Variants in SBF1 observed in about 807,000 individuals in gnomAD.
The protein encoded by SBF1 is SET binding factor 1, also known as myotubularin-related protein 5.
In SBF1, 65 loss-of-function variants were observed where a neutral mutation model predicts 215.8. The ratio of observed to expected loss-of-function variants is 0.30; its 90% confidence interval spans 0.25 to 0.37. The LOEUF is 0.37. SBF1 is among the 10% of genes least tolerant of loss of function. The pLI, the probability that SBF1 is intolerant of heterozygous loss-of-function variation, is 1.00. For synonymous variants in SBF1, 1,410 were observed against 1,122.8 expected (o/e 1.26, Z -5.11); for missense variants, 2,634 against 2,667.8 (o/e 0.99, Z 0.28).
Position 50,445,067 on chromosome 22 carries a change from TAAA to T in SBF1, c.*2072_*2074del, listed in dbSNP as rs2066718276. 6.6e-6 allele frequency: 1 copy of T among 152,642 alleles called. No homozygotes were observed. Among genetic ancestry groups the T allele is most frequent in the Admixed American group, 6.6e-5 (1 of 15,264 alleles). The allele number at this position is 152,642 out of a possible 1,614,324, so 9.5% of individuals were successfully genotyped here. A position where few individuals can be genotyped will look rare whatever the true frequency, so the allele number is the denominator to read the frequency against. ...GGCACCCCAAACCCCCAACTCCCAATAAAAGCCGTGACGTTCGGACAAACCGCG... is the reference window on the plus strand; with the variant it reads ...GGCACCCCAAACCCCCAACTCCCAATAGCCGTGACGTTCGGACAAACCGCG... On this transcript the variant is annotated 3_prime_UTR_variant, in exon 41 of 41. Transcript: ENST00000380817.
At position 50,464,661 on chromosome 22, in the gene SBF1, T is replaced by A; in HGVS notation, c.1509A>T (p.Arg503=). 6.2e-7 allele frequency: 1 copy of A among 1,608,330 alleles called. No homozygotes were observed. The highest frequency in any genetic ancestry group is 1.1e-5 in the South Asian group (1 of 90,942). ...GESSHLRRVP[R]PFPRLDEGTV... Reference sequence around the variant, plus strand: ...TGCCCTCATCCAGCCGGGGGAAGGGTCGGGGCACCCGTCGCAGGTGGCTGC... The same window carrying A: ...TGCCCTCATCCAGCCGGGGGAAGGGACGGGGCACCCGTCGCAGGTGGCTGC... The change falls in exon 14 of 41, where the codon CGA becomes CGT. Residue 503 remains arginine (R), a synonymous_variant. Coordinates refer to ENST00000380817, the MANE Select transcript of SBF1 (RefSeq NM_002972.4).
chr22:50,452,384 T>C (rs2067080374), intron 36 of SBF1, among the ~76,000 whole-genome samples: 1 of 152,152 alleles, frequency 6.6e-6, no homozygotes, highest in Admixed American at 6.5e-5. Context: ...GAAGACTTTT[T>C]CCTTCTTTCT....
At position 50,462,721 on chromosome 22, in the gene SBF1, C is replaced by G. The variant is rs746853534; in HGVS notation, c.1969-4G>C. 6.2e-7 allele frequency: 1 copy of G among 1,610,876 alleles called. No homozygotes were observed. The highest frequency in any genetic ancestry group is 1.7e-5 in the Admixed American group (1 of 59,636). On this transcript the variant is annotated splice_polypyrimidine_tract_variant and splice_region_variant and intron_variant, in intron 17 of 40. Transcript: ENST00000380817. Reference sequence around the variant, plus strand: ...GCGTCACCCCCGGGCTCAGCTTCTGCAGGAGCCAGGGGAGAAGGTCAGCTG... The same window carrying G: ...GCGTCACCCCCGGGCTCAGCTTCTGGAGGAGCCAGGGGAGAAGGTCAGCTG...
At chr22:50,467,192 G>A (rs2067803734) in intron 5 of SBF1, 146 bp downstream of exon 5, 1 of 670,696 alleles carries the variant, frequency 1.5e-6, no homozygotes, top group Non-Finnish European at 2.6e-6. Flanking sequence ...GGCCAGGACT[G>A]TTGGGGGCAA....
rs910197605 is a variant in SBF1 at position 50,446,586 on chromosome 22, A to T, written c.*556T>A. On this transcript the variant is annotated 3_prime_UTR_variant, in exon 41 of 41. Coordinates refer to ENST00000380817, the MANE Select transcript of SBF1 (RefSeq NM_002972.4). ...TAGACCAGCCCTGAGGCGTGGAGGGAATCAAGCAAGTCCCCAGTGAAGCCT... is the reference window on the plus strand; with the variant it reads ...TAGACCAGCCCTGAGGCGTGGAGGGTATCAAGCAAGTCCCCAGTGAAGCCT... 1 of 336,026 alleles carries T rather than the reference A, an allele frequency of 3.0e-6. No homozygotes were observed. Among genetic ancestry groups the T allele is most frequent in the Non-Finnish European group, 5.9e-6 (1 of 169,328 alleles). The allele number at this position is 336,026 out of a possible 1,614,324, so 20.8% of individuals were successfully genotyped here. A position where few individuals can be genotyped will look rare whatever the true frequency, so the allele number is the denominator to read the frequency against.
rs374026247 is a variant in SBF1 at position 50,466,149 on chromosome 22, C to T, written c.897+1G>A. On this transcript the variant is annotated splice_donor_variant, in intron 8 of 40. Coordinates refer to ENST00000380817, the MANE Select transcript of SBF1 (RefSeq NM_002972.4). LOFTEE classifies it high-confidence loss of function. ...AGGTGGACACAAAGCACAGCCCTTA[C>T]CAGCTCCTGGGTCTCTGCCTGGAAG... 2 of 1,613,658 alleles carry T rather than the reference C, an allele frequency of 1.2e-6. No homozygotes were observed. Among genetic ancestry groups the T allele is most frequent in the Non-Finnish European group, 1.7e-6 (2 of 1,180,004 alleles).
Position 50,464,579 on chromosome 22 carries a change from C to G in SBF1, c.1591G>C (p.Val531Leu). 1 of 1,612,220 alleles carries G rather than the reference C, an allele frequency of 6.2e-7. No individual in the cohort carries two copies. The highest frequency in any genetic ancestry group is 1.1e-5 in the South Asian group (1 of 90,928). ...ACGGTGGTCCTCCTCTCGGCCTTCA[C>G]AGCTGGGGGTGCACCCTGCATCTTG... ...AAKMQGAPPA[V>L]KAERRTTVPS... The change falls in exon 14 of 41, where the codon GTG becomes CTG. Residue 531 changes from valine (V) to leucine (L), a missense_variant. Coordinates refer to ENST00000380817, the MANE Select transcript of SBF1 (RefSeq NM_002972.4).
rs200365973 is a variant in SBF1 at position 50,461,834 on chromosome 22, C to T, written c.2605G>A (p.Val869Met). Residue 869 changes from valine (V) to methionine (M), a missense_variant, in exon 21 of 41, where the codon GTG becomes ATG. Val to Met is a conservative substitution (Grantham distance 21). Transcript: ENST00000380817. ...GGCAGCCTCCGGCTCTCCCGCTGCA[C>T]GGCCTCCAGGGTCTCGATGTGCATC... ...VQMHIETLEA[V>M]QRESRRLPPI... 4.1e-4 allele frequency: 655 copies of T among 1,613,660 alleles called. No individual in the cohort carries two copies. Among genetic ancestry groups the T allele is most frequent in the Non-Finnish European group, 5.3e-4 (623 of 1,180,034 alleles).
chr22:50,470,944 G>A (rs944381699), intron 1 of SBF1, among the ~76,000 whole-genome samples: 3 of 152,138 alleles, frequency 2.0e-5, no homozygotes, highest in Admixed American at 6.5e-5. Flanking sequence ...TGTGCTGTCC[G>A]GGGCCAGGCC....
At position 50,466,594 on chromosome 22, in the gene SBF1, G is replaced by C. The variant is rs2067768874; in HGVS notation, c.655+11C>G. The C allele has an allele frequency of 6.5e-7, 1 of 1,545,862 alleles. No individual in the cohort carries two copies. Among genetic ancestry groups the C allele is most frequent in the Non-Finnish European group, 8.7e-7 (1 of 1,143,072 alleles). ...GGGGAAGCCATGCGGGGGTGGGACA[G>C]ACAGGCTCACCTAGCTGGCGGAAGA... On this transcript the variant is annotated intron_variant, in intron 6 of 40. Coordinates refer to ENST00000380817, the MANE Select transcript of SBF1 (RefSeq NM_002972.4).
intron 36 of SBF1, 36 bp downstream of exon 36, chr22:50,454,476 G>T: frequency 6.4e-7 from 1 of 1,556,346 alleles, no homozygotes; most frequent in Non-Finnish European, 8.8e-7. Flanking sequence ...GAGGAGGGGG[G>T]TGCCAGGCCA....
chr22:50,466,942 G>A (rs896238358), intron 5 of SBF1: 22 of 560,074 alleles, frequency 3.9e-5, no homozygotes, highest in African/African-American at 3.8e-4. Context: ...GGTAGGGATG[G>A]GGCCTAGGTG....
rs372613363 is a variant in SBF1 at position 50,445,350 on chromosome 22, C to G, written c.*1792G>C. The G allele has an allele frequency of 1.3e-5, 2 of 152,402 alleles. No individual in the cohort carries two copies. Among genetic ancestry groups the G allele is most frequent in the Admixed American group, 1.3e-4 (2 of 15,300 alleles). The allele number at this position is 152,402 out of a possible 1,614,324, so 9.4% of individuals were successfully genotyped here. A position where few individuals can be genotyped will look rare whatever the true frequency, so the allele number is the denominator to read the frequency against. The stretch of plus-strand genomic sequence containing the variant: ...AGGACTTCCTTTTGTGCCAGCTCCC[C>G]CTCCCAGAAGCCTGGGCCCCACCTT... On this transcript the variant is annotated 3_prime_UTR_variant, in exon 41 of 41. Coordinates refer to ENST00000380817, the MANE Select transcript of SBF1 (RefSeq NM_002972.4).
intron 2 of SBF1, 145 bp downstream of exon 2, chr22:50,468,231 C>A (rs1006929082): frequency 5.2e-6 from 4 of 771,916 alleles, no homozygotes; most frequent in Non-Finnish European, 8.2e-6. Context: ...GCCGGTCAAA[C>A]CCCCCGACAG....
At position 50,451,267 on chromosome 22, in the gene SBF1, C is replaced by T. The variant is rs373206672; in HGVS notation, c.5044-2617G>A. Among the ~76,000 whole-genome samples the T allele has an allele frequency of 2.4e-4, 37 of 151,536 alleles. No homozygotes were observed. The East Asian group carries it at 6.0e-3, about 25-fold the overall frequency. ...GAATGAAGCAGGATGATTGTTTGAG[C>T]CTGGGAGGTTCGGGCTGCAGTGAGC... is the stretch of plus-strand genomic sequence containing the variant. On this transcript the variant is annotated intron_variant, in intron 36 of 40. Coordinates refer to ENST00000380817, the MANE Select transcript of SBF1 (RefSeq NM_002972.4).
intron 6 of SBF1, 48 bp from the exon 7 acceptor site, chr22:50,466,530 G>C: frequency 6.5e-7 from 1 of 1,530,204 alleles, no homozygotes; most frequent in Non-Finnish European, 8.8e-7. Context: ...CCCCACCCAG[G>C]CAGAGTGAGA....
chr22:50,445,182 C>G lies in SBF1; in HGVS notation c.*1960G>C, dbSNP rs898327784. On this transcript the variant is annotated 3_prime_UTR_variant, in exon 41 of 41. Transcript: ENST00000380817. Reference sequence around the variant, plus strand: ...CACCTCTTTTGTGGGCCCGCCACCCCCCAGCGTTATCCCCGTGTAATGGGT... The same window carrying G: ...CACCTCTTTTGTGGGCCCGCCACCCGCCAGCGTTATCCCCGTGTAATGGGT... The G allele has an allele frequency of 2.0e-5, 3 of 152,478 alleles. No individual in the cohort carries two copies. The highest frequency in any genetic ancestry group is 2.9e-5 in the Non-Finnish European group (2 of 68,136). 9.4% of individuals were successfully genotyped at this position (152,478 alleles called of 1,614,324 possible). A position where few individuals can be genotyped will look rare whatever the true frequency, so the allele number is the denominator to read the frequency against.
Position 50,455,257 on chromosome 22 carries a change from G to C in SBF1, c.4521C>G (p.Pro1507=). Residue 1507 remains proline (P), a synonymous_variant, in exon 33 of 41, where the codon CCC becomes CCG. Transcript: ENST00000380817. ...CGCAGTCCAGGAACTGCAGGAAGACGGGTGTGAAGCCGCTGCTCTGCCCGG... is the reference window on the plus strand; with the variant it reads ...CGCAGTCCAGGAACTGCAGGAAGACCGGTGTGAAGCCGCTGCTCTGCCCGG... ...TLAGQSSGFT[P]VFLQFLDCVH... The C allele has an allele frequency of 6.2e-7, 1 of 1,613,208 alleles. No homozygotes were observed. The highest frequency in any genetic ancestry group is 8.5e-7 in the Non-Finnish European group (1 of 1,179,728).
chr22:50,454,631 C>T lies in SBF1; in HGVS notation c.4924G>A (p.Glu1642Lys). The change falls in exon 36 of 41, where the codon GAA becomes AAA. Residue 1642 changes from glutamate to lysine, a missense_variant. Physicochemically the swap from Glu to Lys is moderately conservative, Grantham distance 56. Transcript: ENST00000380817. ...YDWELAQGPP[E>K]PPEEERSDGG... ...TCAGACCGTTCTTCCTCTGGGGGTTCAGGGGGCCCCTGGGCCAGTTCCCAG... is the reference window on the plus strand; with the variant it reads ...TCAGACCGTTCTTCCTCTGGGGGTTTAGGGGGCCCCTGGGCCAGTTCCCAG... 6.2e-7 allele frequency: 1 copy of T among 1,601,414 alleles called. No individual in the cohort carries two copies. The highest frequency in any genetic ancestry group is 8.5e-7 in the Non-Finnish European group (1 of 1,173,650).
Sources: allele counts gnomAD v4.1 joint callset (sites outside exome capture counted in the v4.1 genomes callset), GRCh38; gene constraint gnomAD v4.1.1; transcripts MANE v1.5; gene names NCBI Gene and HGNC (gene_info 2026-07-23, HGNC 2026-07-21).